Variants in CEP164 observed in about 807,000 individuals in gnomAD.
The protein encoded by CEP164 is centrosomal protein of 164 kDa.
CEP164 carries 162 observed loss-of-function variants against 182.7 expected under a neutral mutation model. The observed-to-expected ratio is 0.89, with a 90% CI of 0.78 to 1.01. CEP164 has a LOEUF of 1.01. CEP164 is among the 50% of genes least tolerant of loss of function. The pLI is 0.00. For missense variants in CEP164, 1,735 were observed against 1,790.4 expected (o/e 0.97, Z 0.56); for synonymous variants, 661 against 690.0 (o/e 0.96, Z 0.66).
chr11:117,410,253 C>G (rs1394223093), intron 30 of CEP164: 3 of 561,108 alleles, frequency 5.3e-6, no homozygotes, highest in African/African-American at 1.9e-5. Flanking sequence ...TTCTGGAGCT[C>G]AGTAGAACCT....
At position 117,413,252 on chromosome 11, in the gene CEP164, T is replaced by C. The variant is rs534472226; in HGVS notation, c.*1084T>C. 7.4e-6 allele frequency: 1 copy of C among 134,980 alleles called. No individual in the cohort carries two copies. The highest frequency in any genetic ancestry group is 1.6e-5 in the Non-Finnish European group (1 of 61,504). The allele number at this position is 134,980 out of a possible 1,614,324, so 8.4% of individuals were successfully genotyped here. On this transcript the variant is annotated 3_prime_UTR_variant, in exon 33 of 33. Transcript: ENST00000278935. ...TTTAAATAAAATGCACTTATTTTTG[T>C]TTTTTTTTTTGCAAGCTGTGGGGTT...
intron 11 of CEP164, among the ~76,000 whole-genome samples, chr11:117,379,071 C>G (rs2043043217): frequency 6.6e-6 from 1 of 152,116 alleles, no homozygotes; most frequent in Non-Finnish European, 1.5e-5. Flanking sequence ...TGGGGGAAGA[C>G]AAGTTGTGAG....
chr11:117,338,086 A>T (rs1245050338), intron 2 of CEP164, among the ~76,000 whole-genome samples: 2 of 151,672 alleles, frequency 1.3e-5, no homozygotes, highest in African/African-American at 2.4e-5. Flanking sequence ...GCTGCTCTTG[A>T]GGTCGTTCCC....
At chr11:117,364,601 T>C (rs1040252002) in intron 8 of CEP164, among the ~76,000 whole-genome samples, 1 of 151,656 alleles carries the variant, frequency 6.6e-6, no homozygotes, top group Non-Finnish European at 1.5e-5. Flanking sequence ...TGTCACTCTG[T>C]TGCCCAGGCT....
chr11:117,408,540 T>C, intron 28 of CEP164: 1 of 328,836 alleles, frequency 3.0e-6, no homozygotes, highest in South Asian at 3.2e-5. Context: ...TTGGGACATA[T>C]GCTGAGCCTT....
rs2047442766 is a variant in CEP164, at chr11:117,412,284, A to G, written c.*116A>G. ...CACCCTCCTTCCCCCTTTGACTTGC[A>G]GGAGCCACCAGGGACCAGGGGGTTG... On this transcript the variant is annotated 3_prime_UTR_variant, in exon 33 of 33. Coordinates refer to ENST00000278935, the MANE Select transcript of CEP164 (RefSeq NM_014956.5). The G allele has an allele frequency of 3.6e-6, 3 of 831,348 alleles. No individual in the cohort carries two copies. The highest frequency in any genetic ancestry group is 5.6e-6 in the Non-Finnish European group (3 of 537,630). The allele number at this position is 831,348 out of a possible 1,614,324, so 51.5% of individuals were successfully genotyped here. A position where few individuals can be genotyped will look rare whatever the true frequency, so the allele number is the denominator to read the frequency against.
intron 15 of CEP164, 115 bp downstream of exon 15, chr11:117,387,527 T>TA (rs1267826175): frequency 8.6e-5 from 85 of 992,638 alleles, no homozygotes; most frequent in Admixed American, 2.8e-5. Context: ...TAAGACCAAC[T>TA]AAAGTTGGGA....
At position 117,394,884 on chromosome 11, in the gene CEP164, C is replaced by T. The variant is rs369611075; in HGVS notation, c.2761-36C>T. On this transcript the variant is annotated intron_variant, in intron 21 of 32. Transcript: ENST00000278935. This position sits in a 1 kb window ranked among gnomAD's most constrained non-coding sequence, Gnocchi z 4.0. Reference sequence around the variant, plus strand: ...CCTGCCCCTCAGCTAATGCCTTACACTCTTTCTATGCTTATGTGTTTCCCT... The same window carrying T: ...CCTGCCCCTCAGCTAATGCCTTACATTCTTTCTATGCTTATGTGTTTCCCT... 7.5e-6 allele frequency: 12 copies of T among 1,604,906 alleles called. No individual in the cohort carries two copies. The highest frequency in any genetic ancestry group is 9.4e-6 in the Non-Finnish European group (11 of 1,172,222).
chr11:117,331,947 C>CT (rs1344898416), intron 1 of CEP164, among the ~76,000 whole-genome samples: 1 of 150,380 alleles, frequency 6.6e-6, no homozygotes, highest in East Asian at 1.9e-4. Context: ...TTCCGAGTAG[C>CT]TGGGACCACA....
intron 30 of CEP164, chr11:117,410,231 C>G: frequency 1.7e-6 from 1 of 584,654 alleles, no homozygotes; most frequent in Non-Finnish European, 3.1e-6. Flanking sequence ...TGACTGGGGC[C>G]TTTATTGTGG....
At position 117,397,056 on chromosome 11, in the gene CEP164, G is replaced by T. The variant is rs190466757; in HGVS notation, c.3279-35G>T. 2.9e-4 allele frequency: 468 copies of T among 1,586,756 alleles called. 1 individual carries two copies. The African/African-American group carries it at 5.7e-3, about 19-fold the overall frequency. On this transcript the variant is annotated intron_variant, in intron 26 of 32. Coordinates refer to ENST00000278935, the MANE Select transcript of CEP164 (RefSeq NM_014956.5). Reference sequence around the variant, plus strand: ...GTGACCCAGAGCAGAGTTCTTAGAGGCTTCTGTTTTCCTTCTTCAACTCTC... The same window carrying T: ...GTGACCCAGAGCAGAGTTCTTAGAGTCTTCTGTTTTCCTTCTTCAACTCTC...
intron 11 of CEP164, among the ~76,000 whole-genome samples, chr11:117,379,400 G>C (rs977501351): frequency 2.0e-5 from 3 of 152,180 alleles, no homozygotes; most frequent in Non-Finnish European, 4.4e-5. Flanking sequence ...AAGATGGAGT[G>C]AGCTGTCTCC....
rs2042159327 is a variant in CEP164 at position 117,371,128 on chromosome 11, G to A, written c.814G>A (p.Asp272Asn). The change falls in exon 9 of 33, where the codon GAT becomes AAT. Residue 272 changes from aspartate to asparagine, a missense_variant. Transcript: ENST00000278935. ...AGAGGAGAAGAAGGATGTTTCTCTG[G>A]ATTCAGATGCTGCCGGTCCCCCTAC... ...QPEEKKDVSL[D>N]SDAAGPPTPC... The A allele has an allele frequency of 1.2e-6, 2 of 1,611,452 alleles. No homozygotes were observed. The highest frequency in any genetic ancestry group is 1.7e-6 in the Non-Finnish European group (2 of 1,178,330).
intron 11 of CEP164, among the ~76,000 whole-genome samples, chr11:117,379,852 C>T (rs1198129237): frequency 4.3e-5 from 5 of 116,914 alleles, no homozygotes; most frequent in Non-Finnish European, 3.4e-5. Context: ...ATAGTTCTTC[C>T]TTTTTTTTTT....
chr11:117,399,597 C>T (rs1565608848), intron 27 of CEP164, among the ~76,000 whole-genome samples: 1 of 152,172 alleles, frequency 6.6e-6, no homozygotes. Context: ...TATGCTTACA[C>T]CAACAGTGCA....
At chr11:117,371,597 C>G in intron 9 of CEP164, 131 bp downstream of exon 9, 2 of 1,125,518 alleles carry the variant, frequency 1.8e-6, no homozygotes, top group Non-Finnish European at 2.4e-6. Context: ...CTGCACTGGG[C>G]TGTCAGCATC....
chr11:117,330,398 A>G (rs2036015743), intron 1 of CEP164, among the ~76,000 whole-genome samples: 1 of 152,190 alleles, frequency 6.6e-6, no homozygotes, highest in South Asian at 2.1e-4. Flanking sequence ...CACGCCTGTA[A>G]TCTCAGCACT....
chr11:117,397,102 A>T lies in CEP164; in HGVS notation c.3290A>T (p.His1097Leu). Residue 1097 changes from histidine to leucine, a missense_variant, in exon 27 of 33, where the codon CAC (histidine) becomes CTC (leucine). Coordinates refer to ENST00000278935, the MANE Select transcript of CEP164 (RefSeq NM_014956.5). The stretch of plus-strand genomic sequence containing the variant: ...CTCTCCTGCTCCAGCCTGTCCTCCC[A>T]CAATGTCTGGCACCTCCTCTCTGCT... ...EDLYLDSLSS[H>L]NVWHLLSAEG... 1 of 1,613,930 alleles carries T rather than the reference A, an allele frequency of 6.2e-7. No homozygotes were observed.
chr11:117,395,730 G>A lies in CEP164; in HGVS notation c.3089+8G>A, dbSNP rs1337149058. On this transcript the variant is annotated splice_region_variant and intron_variant, in intron 24 of 32. Transcript: ENST00000278935. ...ACTGCAGAAACACTTCAGGTGGCGTGGGCACCCTGCACTTAGCCCTGCTGG... is the reference window on the plus strand; with the variant it reads ...ACTGCAGAAACACTTCAGGTGGCGTAGGCACCCTGCACTTAGCCCTGCTGG... 2 of 1,603,948 alleles carry A rather than the reference G, an allele frequency of 1.2e-6. No homozygotes were observed. The highest frequency in any genetic ancestry group is 1.7e-6 in the Non-Finnish European group (2 of 1,175,712).
Sources: gnomAD v4.1 joint callset for allele counts (sites outside exome capture counted in the v4.1 genomes callset) on GRCh38, gnomAD v4.1.1 for gene constraint, Gnocchi (gnomAD v3.1) non-coding constraint, MANE v1.5 for transcripts, NCBI Gene and HGNC (gene_info 2026-07-23, HGNC 2026-07-21) for gene names.